Variants in ARB2A observed in about 807,000 individuals in gnomAD.
ARB2A encodes the protein cotranscriptional regulator ARB2A.
At chr5:93,991,229 C>G in the ARB2A span, among the ~76,000 whole-genome samples, 74 of 152,014 alleles carry the variant, frequency 4.9e-4, no homozygotes, top group South Asian at 0.01. Flanking sequence ...CAGTAGTGAC[C>G]TGAAAAAGGT....
chr5:93,798,826 T>C, the ARB2A span, among the ~76,000 whole-genome samples: 1 of 152,150 alleles, frequency 6.6e-6, no homozygotes, highest in Admixed American at 6.6e-5. Context: ...CTTGATGGTA[T>C]GTCCTAGCAC....
chr5:93,819,185 C>CAA, the ARB2A span, among the ~76,000 whole-genome samples: 9,914 of 91,064 alleles, frequency 0.11, 876 homozygotes, highest in Middle Eastern at 0.18. Context: ...AACTCCGTCT[C>CAA]AAAAAAAAAA....
chr5:93,897,356 T>G, the ARB2A span, among the ~76,000 whole-genome samples: 1 of 151,904 alleles, frequency 6.6e-6, no homozygotes, highest in Non-Finnish European at 1.5e-5. Flanking sequence ...ATGGTATAAT[T>G]TATAAAGTCC....
chr5:94,082,327 T>C, the ARB2A span, among the ~76,000 whole-genome samples: 1 of 152,200 alleles, frequency 6.6e-6, no homozygotes, highest in African/African-American at 2.4e-5. Context: ...TGAAATTTGG[T>C]AATAACTTTA....
chr5:93,937,821 T>C, the ARB2A span, among the ~76,000 whole-genome samples: 2 of 152,220 alleles, frequency 1.3e-5, no homozygotes, highest in Admixed American at 1.3e-4. Context: ...CTGTATACTT[T>C]AAATCATCTC....
the ARB2A span, among the ~76,000 whole-genome samples, chr5:93,870,610 A>G: frequency 6.6e-5 from 10 of 152,328 alleles, no homozygotes; most frequent in Admixed American, 5.2e-4. Context: ...ATTTCACTGT[A>G]TTGACATTTG....
chr5:93,990,852 G>A, the ARB2A span, among the ~76,000 whole-genome samples: 2 of 152,044 alleles, frequency 1.3e-5, no homozygotes, highest in African/African-American at 4.8e-5. Flanking sequence ...TAAACATGCT[G>A]GCTTTCTGCC....
chr5:93,899,273 C>CTCTG, the ARB2A span, among the ~76,000 whole-genome samples: 1 of 152,132 alleles, frequency 6.6e-6, no homozygotes, highest in African/African-American at 2.4e-5. Flanking sequence ...TACCTACAAA[C>CTCTG]TCTGTCACAT....
chr5:93,911,901 C>T, the ARB2A span, among the ~76,000 whole-genome samples: 1 of 151,662 alleles, frequency 6.6e-6, no homozygotes. Flanking sequence ...TTAGCTCACT[C>T]GGATTGTGCT....
At chr5:94,052,328 A>G in the ARB2A span, among the ~76,000 whole-genome samples, 1 of 152,364 alleles carries the variant, frequency 6.6e-6, no homozygotes, top group African/African-American at 2.4e-5. Flanking sequence ...TTTTATTAAA[A>G]AGTATAAAAA....
the ARB2A span, among the ~76,000 whole-genome samples, chr5:93,829,026 C>A: frequency 6.6e-6 from 1 of 152,104 alleles, no homozygotes; most frequent in Non-Finnish European, 1.5e-5. Context: ...ATTTGCCCAC[C>A]CCGGCCTCCC....
At chr5:93,724,817 A>T in the ARB2A span, among the ~76,000 whole-genome samples, 3 of 152,034 alleles carry the variant, frequency 2.0e-5, no homozygotes, top group African/African-American at 7.2e-5. Flanking sequence ...AGTAAGTAAT[A>T]ATAAGATAGA....
chr5:93,805,732 A>G, the ARB2A span: 47 of 985,090 alleles, frequency 4.8e-5, no homozygotes, highest in South Asian at 1.9e-3. Context: ...GCTCAAATGC[A>G]TATGTATACC....
chr5:93,953,237 G>A, the ARB2A span, among the ~76,000 whole-genome samples: 13 of 152,268 alleles, frequency 8.5e-5, no homozygotes, highest in African/African-American at 3.1e-4. Context: ...GGGCATTGAT[G>A]AGTTAAGTAT....
At chr5:93,826,891 T>C in the ARB2A span, among the ~76,000 whole-genome samples, 3 of 151,886 alleles carry the variant, frequency 2.0e-5, no homozygotes, top group South Asian at 4.2e-4. Flanking sequence ...TGATGATTTC[T>C]AGCTTCATCC....
chr5:93,720,154 T>C, the ARB2A span, among the ~76,000 whole-genome samples: 71 of 152,286 alleles, frequency 4.7e-4, 1 homozygote, highest in East Asian at 9.5e-3. Context: ...TTTAGAAACA[T>C]AGAACCCTAG....
chr5:94,050,884 T>C, the ARB2A span: 1 of 1,216,482 alleles, frequency 8.2e-7, no homozygotes, highest in African/African-American at 1.5e-5. Context: ...TTGACAATAA[T>C]ATAAACAGTA....
chr5:93,618,514 G>C, the ARB2A span: 1 of 151,068 alleles, frequency 6.6e-6, no homozygotes, highest in Non-Finnish European at 1.5e-5. Context: ...AACACTGGCC[G>C]TCCTCATGCA....
chr5:93,642,952 C>T, the ARB2A span, among the ~76,000 whole-genome samples: 1 of 151,994 alleles, frequency 6.6e-6, no homozygotes, highest in Non-Finnish European at 1.5e-5. Flanking sequence ...TGACACAACA[C>T]TAAAAAGCAT....
Sources: allele counts gnomAD v4.1 joint callset (sites outside exome capture counted in the v4.1 genomes callset), GRCh38; gene constraint gnomAD v4.1.1; transcripts MANE v1.5; gene names NCBI Gene and HGNC (gene_info 2026-07-23, HGNC 2026-07-21).